CFAP410: variants seen among roughly 807,000 people sequenced by gnomAD.
The protein encoded by CFAP410 is cilia- and flagella-associated protein 410.
In CFAP410, 27 loss-of-function variants were observed where a neutral mutation model predicts 25.7. That is an observed-to-expected ratio of 1.05 (90% CI 0.77 to 1.45). The LOEUF is 1.45. CFAP410 is among the 40% of genes most tolerant of loss of function. CFAP410 has a pLI of 0.00. For synonymous variants in CFAP410, 178 were observed against 158.4 expected (o/e 1.12, Z -0.93); for missense variants, 428 against 354.1 (o/e 1.21, Z -1.67).
chr21:44,331,239 GACC>G (rs2047642543), intron 5 of CFAP410: 1 of 455,494 alleles, frequency 2.2e-6, no homozygotes, highest in Non-Finnish European at 3.9e-6. Flanking sequence ...GAGAGCTCCT[GACC>G]ATGGGGTCAG....
intron 6 of CFAP410, chr21:44,330,618 C>T (rs756857009): frequency 4.2e-5 from 65 of 1,549,134 alleles, no homozygotes; most frequent in East Asian, 1.7e-4. Flanking sequence ...AGGACGGCTC[C>T]GTGCGGGGCA....
chr21:44,338,781 CG>C (rs2047804542), intron 1 of CFAP410: 2 of 130,620 alleles, frequency 1.5e-5, no homozygotes. Flanking sequence ...CGCCCCGCCC[CG>C]GCTCCTCCCT....
intron 3 of CFAP410, chr21:44,334,536 TCAACCTCTGGGCGGGCAC>T (rs2047718330): frequency 7.3e-6 from 1 of 137,400 alleles, no homozygotes; most frequent in Non-Finnish European, 1.4e-5. Context: ...CCCCCCCCGC[TCAACCTCTGGGCGGGCAC>T]GCGCACCCCT....
intron 1 of CFAP410, chr21:44,338,304 T>C: frequency 7.8e-7 from 1 of 1,289,080 alleles, no homozygotes; most frequent in African/African-American, 1.5e-5. Context: ...GCCTGCACGG[T>C]GAGGCCAGTT....
chr21:44,336,837 A>G (rs2047765230), intron 2 of CFAP410: 1 of 152,050 alleles, frequency 6.6e-6, no homozygotes. Flanking sequence ...TAATTCCAAT[A>G]CTTTGCGAGG....
At chr21:44,337,696 T>C in intron 1 of CFAP410, 29 bp from the exon 2 acceptor site, 1 of 1,600,238 alleles carries the variant, frequency 6.2e-7, no homozygotes, top group Non-Finnish European at 8.5e-7. Context: ...CATACTTTAA[T>C]TTTGTTAAAG....
chr21:44,339,351 C>T lies in CFAP410; in HGVS notation c.-157G>A. The T allele has an allele frequency of 2.3e-6, 1 of 433,026 alleles. No individual in the cohort carries two copies. Among genetic ancestry groups the T allele is most frequent in the Non-Finnish European group, 4.0e-6 (1 of 249,674 alleles). The allele number at this position is 433,026 out of a possible 1,614,324, so 26.8% of individuals were successfully genotyped here. On this transcript the variant is annotated 5_prime_UTR_variant, in exon 1 of 7. Coordinates refer to ENST00000339818, the MANE Select transcript of CFAP410 (RefSeq NM_004928.3). ...GGTGAGGAGAGCGGGGCGACGCGAGCCCGCTGGGGCCGCTTGGGCGCCGCT... is the reference window on the plus strand; with the variant it reads ...GGTGAGGAGAGCGGGGCGACGCGAGTCCGCTGGGGCCGCTTGGGCGCCGCT...
chr21:44,332,928 G>T (rs1324062323), intron 4 of CFAP410, 105 bp downstream of exon 4: 4 of 784,908 alleles, frequency 5.1e-6, no homozygotes, highest in Non-Finnish European at 8.4e-6. Flanking sequence ...TCTATGTCCC[G>T]CCAGACCAGG....
chr21:44,330,967 G>C, intron 5 of CFAP410, 48 bp from the exon 6 acceptor site: 2 of 1,437,766 alleles, frequency 1.4e-6, no homozygotes, highest in East Asian at 2.4e-5. Context: ...TCGTGGCACC[G>C]GGGGGGCCTC....
intron 1 of CFAP410, chr21:44,338,294 G>A (rs1041112260): frequency 1.6e-5 from 20 of 1,288,750 alleles, no homozygotes; most frequent in Non-Finnish European, 2.0e-5. Context: ...CCCCACACCC[G>A]CCTGCACGGT....
Position 44,339,121 on chromosome 21 carries a change from C to G in CFAP410, c.74G>C (p.Cys25Ser), listed in dbSNP as rs2047818856. 1 of 1,457,380 alleles carries G rather than the reference C, an allele frequency of 6.9e-7. No homozygotes were observed. Among genetic ancestry groups the G allele is most frequent in the Non-Finnish European group, 9.1e-7 (1 of 1,098,988 alleles). 90.3% of individuals were successfully genotyped at this position (1,457,380 alleles called of 1,614,324 possible). Residue 25 changes from cysteine to serine, a missense_variant, in exon 1 of 7, where the codon TGC becomes TCC. By Grantham distance (112) the Cys-to-Ser change is moderately radical (BLOSUM62 -1). Transcript: ENST00000339818. ...CCGCGGCCAGGCCCCGCCTCACCAG[C>G]AGTTGAGCTTGCGCACGCTGTGCAG... ...SELHSVRKLN[C>S]WGSRLTDISI... is the part of the protein sequence containing the mutation.
chr21:44,335,885 C>T (rs111711465), intron 2 of CFAP410, 81 bp from the exon 3 acceptor site: 157 of 1,131,474 alleles, frequency 1.4e-4, no homozygotes, highest in South Asian at 3.2e-4. Context: ...AGAGAACTGT[C>T]GAAGCCACGG....
In CFAP410 at chr21:44,333,259, G is replaced by A. The variant is rs778791287; in HGVS notation, c.147C>T (p.Val49=). ...MPSLEVITLS[V]NSISTLEPVS... ...CAGGCTCCAGGGTGGAGATGCTGTTGACACTGCACGGAGACCAGCACAGTC... is the reference window on the plus strand; with the variant it reads ...CAGGCTCCAGGGTGGAGATGCTGTTAACACTGCACGGAGACCAGCACAGTC... Residue 49 remains valine (V), a synonymous_variant, in exon 4 of 7, where the codon GTC becomes GTT. Coordinates refer to ENST00000339818, the MANE Select transcript of CFAP410 (RefSeq NM_004928.3). The A allele has an allele frequency of 1.2e-6, 2 of 1,609,620 alleles. No individual in the cohort carries two copies. Among genetic ancestry groups the A allele is most frequent in the Non-Finnish European group, 1.7e-6 (2 of 1,178,380 alleles).
chr21:44,335,412 G>C, intron 3 of CFAP410: 1 of 331,084 alleles, frequency 3.0e-6, no homozygotes. Context: ...GGCCAGGGCG[G>C]GCCACCGTGA....
At chr21:44,334,509 G>C (rs2047714242) in intron 3 of CFAP410, 1 of 182,932 alleles carries the variant, frequency 5.5e-6, no homozygotes, top group South Asian at 4.5e-5. Flanking sequence ...CTCTGGGCGG[G>C]CACGCGCACC....
At chr21:44,338,294 G>T (rs1041112260) in intron 1 of CFAP410, 3 of 1,288,634 alleles carry the variant, frequency 2.3e-6, no homozygotes, top group Non-Finnish European at 3.0e-6. Context: ...CCCCACACCC[G>T]CCTGCACGGT....
intron 2 of CFAP410, 46 bp from the exon 3 acceptor site, chr21:44,335,850 T>TTGCTTGAA (rs751412265): frequency 1.7e-5 from 25 of 1,451,198 alleles, no homozygotes; most frequent in Middle Eastern, 1.7e-4. Flanking sequence ...CAGCAGGGCA[T>TTGCTTGAA]CGCGGCCGCA....
rs767953846 is a variant in CFAP410, at chr21:44,339,226, C to T, written c.-32G>A. The T allele has an allele frequency of 3.9e-4, 534 of 1,383,690 alleles. 3 individuals are homozygous for T. The African/African-American group carries it at 7.2e-3, about 19-fold the overall frequency. 85.7% of individuals were successfully genotyped at this position (1,383,690 alleles called of 1,614,324 possible). A position where few individuals can be genotyped will look rare whatever the true frequency, so the allele number is the denominator to read the frequency against. ...CGCCCAGGCCCGACCGGCGGGCGCC[C>T]CCGGCCTCCTGATCCCGGGCGGGTG... is the stretch of plus-strand genomic sequence containing the variant. On this transcript the variant is annotated 5_prime_UTR_variant, in exon 1 of 7. Coordinates refer to ENST00000339818, the MANE Select transcript of CFAP410 (RefSeq NM_004928.3).
intron 3 of CFAP410, chr21:44,333,706 C>A (rs772950383): frequency 6.8e-6 from 2 of 293,672 alleles, no homozygotes; most frequent in Non-Finnish European, 6.6e-6. Context: ...TCCAAACCCC[C>A]ACTTGAGGGC....
Sources: allele counts gnomAD v4.1 joint callset, GRCh38; gene constraint gnomAD v4.1.1; transcripts MANE v1.5; gene names NCBI Gene and HGNC (gene_info 2026-07-23, HGNC 2026-07-21).